The following FRMD4A variants were observed in gnomAD, a reference collection of about 807,000 sequenced individuals.
FRMD4A encodes the protein FERM domain-containing protein 4A.
In FRMD4A, 29 loss-of-function variants were observed where a neutral mutation model predicts 129.1. The observed-to-expected ratio is 0.22, with a 90% CI of 0.17 to 0.31. The LOEUF (loss-of-function observed/expected upper bound fraction) is 0.31. Ranked by LOEUF, FRMD4A falls within the 10% of genes least tolerant of loss-of-function variation. FRMD4A has a pLI of 1.00. For missense variants in FRMD4A, 1,272 were observed against 1,375.8 expected, an observed-to-expected ratio of 0.92 and a Z score of 1.19; for synonymous variants, 634 against 571.6, an observed-to-expected ratio of 1.11 and a Z score of -1.56.
chr10:13,996,730 C>A (rs1247079873), intron 2 of FRMD4A, among the ~76,000 whole-genome samples: 1 of 152,168 alleles, frequency 6.6e-6, no homozygotes, highest in East Asian at 1.9e-4. Flanking sequence ...CCCTAATTGG[C>A]AGATAATAGC....
chr10:13,991,543 T>C (rs188244257), intron 2 of FRMD4A, among the ~76,000 whole-genome samples: 263 of 152,302 alleles, frequency 1.7e-3, no homozygotes, highest in African/African-American at 6.1e-3. Flanking sequence ...CTCTGTTCTG[T>C]CAGGGCCTAA....
chr10:13,966,946 C>T (rs2131373821), intron 2 of FRMD4A, among the ~76,000 whole-genome samples: 1 of 152,318 alleles, frequency 6.6e-6, no homozygotes, highest in African/African-American at 2.4e-5. Flanking sequence ...AGATTGGAGA[C>T]TATTATTCTA....
intron 2 of FRMD4A, among the ~76,000 whole-genome samples, chr10:14,236,715 C>T (rs907204855): frequency 9.9e-5 from 15 of 152,122 alleles, no homozygotes; most frequent in African/African-American, 3.6e-4. Context: ...TGGGTGAGTG[C>T]CCAAATCAGC....
intron 2 of FRMD4A, among the ~76,000 whole-genome samples, chr10:14,028,642 T>C (rs1011945818): frequency 2.6e-5 from 4 of 152,214 alleles, no homozygotes; most frequent in African/African-American, 9.6e-5. Context: ...GGATAAATGC[T>C]TGAGGGGATG....
chr10:13,667,589 AGCT>A (rs1182225851), intron 17 of FRMD4A: 1 of 152,288 alleles, frequency 6.6e-6, no homozygotes, highest in African/African-American at 2.4e-5. Context: ...TATGTACACC[AGCT>A]GCTGAGGGAT....
At chr10:13,923,232 T>C (rs2095093122) in intron 2 of FRMD4A, among the ~76,000 whole-genome samples, 1 of 152,232 alleles carries the variant, frequency 6.6e-6, no homozygotes, top group South Asian at 2.1e-4. Context: ...AAGATGATGT[T>C]TAAGGCCAAA....
intron 2 of FRMD4A, among the ~76,000 whole-genome samples, chr10:13,906,985 T>C (rs2094888930): frequency 6.6e-6 from 1 of 152,206 alleles, no homozygotes; most frequent in South Asian, 2.1e-4. Flanking sequence ...TGTCTCATCC[T>C]CAACTGTGTG....
chr10:14,063,963 C>T (rs533809991), intron 2 of FRMD4A, among the ~76,000 whole-genome samples: 10 of 152,238 alleles, frequency 6.6e-5, no homozygotes, highest in African/African-American at 1.2e-4. Flanking sequence ...CCCTACTGAA[C>T]GGTTCAAAAG....
chr10:14,272,377 T>A (rs940990800), intron 2 of FRMD4A, among the ~76,000 whole-genome samples: 2 of 152,168 alleles, frequency 1.3e-5, no homozygotes, highest in Admixed American at 6.5e-5. Flanking sequence ...CACACGGTCA[T>A]GGGGTGAGGG....
At chr10:13,896,044 A>G (rs983601954) in intron 2 of FRMD4A, among the ~76,000 whole-genome samples, 3 of 152,208 alleles carry the variant, frequency 2.0e-5, no homozygotes, top group Non-Finnish European at 2.9e-5. Context: ...GCTGTGGTGA[A>G]ACAGGAATGC....
At chr10:14,179,747 G>A (rs1158196109) in intron 2 of FRMD4A, among the ~76,000 whole-genome samples, 1 of 152,118 alleles carries the variant, frequency 6.6e-6, no homozygotes, top group East Asian at 1.9e-4. Context: ...AAAAACCTCA[G>A]AATGGGCCGG....
chr10:13,699,168 C>A lies in FRMD4A; in HGVS notation c.975+2172G>T, dbSNP rs184337831. Among the ~76,000 whole-genome samples the A allele has an allele frequency of 1.5e-3, 222 of 150,592 alleles. 4 individuals are homozygous for A. The highest frequency in any genetic ancestry group is 5.3e-3 in the African/African-American group (218 of 41,038). ...CCTCCTGGGTTCAAGCAATTCTCCTCCCTCAGCCTCCCTAGTAGCTGAGAT... is the reference window on the plus strand; with the variant it reads ...CCTCCTGGGTTCAAGCAATTCTCCTACCTCAGCCTCCCTAGTAGCTGAGAT... On this transcript the variant is annotated intron_variant, in intron 14 of 24. Transcript: ENST00000357447.
intron 6 of FRMD4A, among the ~76,000 whole-genome samples, chr10:13,781,306 T>TAAAAAAAAA (rs1253732948): frequency 1.9e-3 from 150 of 78,942 alleles, no homozygotes; most frequent in Non-Finnish European, 2.1e-3. Context: ...TCTTAAAAAT[T>TAAAAAAAAA]AAAAAAAAAA....
intron 2 of FRMD4A, among the ~76,000 whole-genome samples, chr10:14,240,602 A>G (rs1844007294): frequency 1.3e-5 from 2 of 152,092 alleles, no homozygotes; most frequent in Admixed American, 6.6e-5. Flanking sequence ...ACAAATCCAC[A>G]TGCCCATTAT....
Position 14,327,008 on chromosome 10 carries a change from T to C in FRMD4A, c.45+3050A>G, listed in dbSNP as rs1843304883. 4 of 398,646 alleles carry C rather than the reference T, an allele frequency of 1.0e-5. No homozygotes were observed. In the East Asian group the frequency reaches 1.4e-4, roughly 14 times the overall value. The allele number at this position is 398,646 out of a possible 1,614,324, so 24.7% of individuals were successfully genotyped here. A position where few individuals can be genotyped will look rare whatever the true frequency, so the allele number is the denominator to read the frequency against. ...CCTGTGTGGAGAGGCATCACTGCCC[T>C]CTGTGAGCTGTCCGTTGAAAGAATC... On this transcript the variant is annotated intron_variant, in intron 2 of 24. Transcript: ENST00000357447.
intron 2 of FRMD4A, among the ~76,000 whole-genome samples, chr10:13,998,943 G>C (rs765625304): frequency 6.6e-6 from 1 of 152,012 alleles, no homozygotes; most frequent in Non-Finnish European, 1.5e-5. Flanking sequence ...TCCTTCTCAT[G>C]GCCTGCACAG....
chr10:14,092,038 C>T (rs1334239900), intron 2 of FRMD4A, among the ~76,000 whole-genome samples: 2 of 152,186 alleles, frequency 1.3e-5, no homozygotes, highest in Non-Finnish European at 2.9e-5. Flanking sequence ...CTGAACCCCA[C>T]CTCACAGCTC....
chr10:14,053,072 C>A (rs1435692031), intron 2 of FRMD4A, among the ~76,000 whole-genome samples: 2 of 152,184 alleles, frequency 1.3e-5, no homozygotes, highest in East Asian at 3.9e-4. Context: ...ATACCTTAGA[C>A]ATCCTCCTAA....
intron 2 of FRMD4A, among the ~76,000 whole-genome samples, chr10:14,048,912 T>C (rs1028506180): frequency 6.6e-5 from 10 of 150,870 alleles, no homozygotes; most frequent in Admixed American, 2.0e-4. Flanking sequence ...GAAAATAAAA[T>C]GAAATATGGT....
Sources: allele counts gnomAD v4.1 joint callset (sites outside exome capture counted in the v4.1 genomes callset), GRCh38; gene constraint gnomAD v4.1.1; transcripts MANE v1.5; gene names NCBI Gene and HGNC (gene_info 2026-07-23, HGNC 2026-07-21).